The following APEH variants were observed in gnomAD, a reference collection of about 807,000 sequenced individuals.
APEH encodes acylamino-acid-releasing enzyme.
Under a neutral mutation model 102.7 loss-of-function variants are expected in APEH, and 75 were observed. The observed-to-expected ratio is 0.73, with a 90% confidence interval of 0.61 to 0.89. APEH has a LOEUF of 0.89. Among genes scored for constraint, APEH ranks in the 40% least tolerant of loss-of-function variants. The pLI, the probability that APEH is intolerant of heterozygous loss-of-function variation, is 0.00. For missense variants in APEH, 863 were observed against 941.2 expected, an observed-to-expected ratio of 0.92 and a Z score of 1.09; for synonymous variants, 344 against 362.7, an observed-to-expected ratio of 0.95 and a Z score of 0.59.
At chr3:49,681,020 C>A in intron 14 of APEH, 81 bp from the exon 15 acceptor site, 2 of 1,482,332 alleles carry the variant, frequency 1.3e-6, no homozygotes, top group African/African-American at 1.4e-5. Flanking sequence ...ATAGTGAGAG[C>A]TGCCTATTTC....
rs774206883 is a variant in APEH at position 49,674,430 on chromosome 3, C to T, written c.12+17C>T. The stretch of plus-strand genomic sequence containing the variant: ...GAACGTCAGGTGAGGGCTCGGCCCG[C>T]GGTCCCCGTGGTCCCTGCAGCCCGG... On this transcript the variant is annotated intron_variant, in intron 1 of 21. Coordinates refer to ENST00000296456, the MANE Select transcript of APEH (RefSeq NM_001640.4). The T allele has an allele frequency of 1.7e-5, 26 of 1,572,592 alleles. No homozygotes were observed. Among genetic ancestry groups the T allele is most frequent in the Non-Finnish European group, 2.2e-5 (26 of 1,165,620 alleles).
intron 15 of APEH, 62 bp downstream of exon 15, chr3:49,681,301 G>A: frequency 6.8e-7 from 1 of 1,460,914 alleles, no homozygotes; most frequent in Admixed American, 2.5e-5. Flanking sequence ...AGCCTCTGCG[G>A]TGACCTTTGC....
rs368084438 is a variant in APEH at position 49,682,507 on chromosome 3, C to T, written c.1693-39C>T. On this transcript the variant is annotated intron_variant, in intron 18 of 21. Transcript: ENST00000296456. ...AGGGGGATGCCTCCATTCAGCTGAG[C>T]GGGCAGCTGGCTGCAGCATGCTTTG... is the stretch of plus-strand genomic sequence containing the variant. 51 of 1,612,614 alleles carry T rather than the reference C, an allele frequency of 3.2e-5. No homozygotes were observed. The South Asian group carries it at 3.4e-4, about 11-fold the overall frequency.
intron 3 of APEH, 34 bp from the exon 4 acceptor site, chr3:49,675,660 G>A: frequency 6.3e-7 from 1 of 1,580,072 alleles, no homozygotes; most frequent in Non-Finnish European, 8.7e-7. Context: ...GTTATTGCAA[G>A]ATAATCCTGA....
chr3:49,679,774 C>T lies in APEH; in HGVS notation c.1210+130C>T. 1 of 955,584 alleles carries T rather than the reference C, an allele frequency of 1.0e-6. No homozygotes were observed. The highest frequency in any genetic ancestry group is 1.6e-6 in the Non-Finnish European group (1 of 622,466). 59.2% of individuals were successfully genotyped at this position (955,584 alleles called of 1,614,324 possible). A position where few individuals can be genotyped will look rare whatever the true frequency, so the allele number is the denominator to read the frequency against. ...AGCCACTCAGCACCACTGACTGTTC[C>T]ACAGCCTTTACTAACAGGTCCCCAA... On this transcript the variant is annotated intron_variant, in intron 13 of 21. Coordinates refer to ENST00000296456, the MANE Select transcript of APEH (RefSeq NM_001640.4). The surrounding 1 kb of genome is among the most constrained non-coding windows in gnomAD (Gnocchi z 4.3).
In APEH at chr3:49,679,502, C is replaced by T; in HGVS notation, c.1159-91C>T. On this transcript the variant is annotated intron_variant, in intron 12 of 21. Transcript: ENST00000296456. This position sits in a 1 kb window ranked among gnomAD's most constrained non-coding sequence, Gnocchi z 4.3. Reference sequence around the variant, plus strand: ...CAGCCTTGGTCTGGCCAGGGCTCTCCAAGAGGGTAGAGAGGAGGTAGGGGA... The same window carrying T: ...CAGCCTTGGTCTGGCCAGGGCTCTCTAAGAGGGTAGAGAGGAGGTAGGGGA... 1 of 1,401,934 alleles carries T rather than the reference C, an allele frequency of 7.1e-7. No individual in the cohort carries two copies. Among genetic ancestry groups the T allele is most frequent in the Non-Finnish European group, 1.0e-6 (1 of 993,210 alleles). The allele number at this position is 1,401,934 out of a possible 1,614,324, so 86.8% of individuals were successfully genotyped here.
chr3:49,675,092 T>C (rs2052962783), intron 2 of APEH, 91 bp from the exon 3 acceptor site: 4 of 1,539,922 alleles, frequency 2.6e-6, no homozygotes, highest in South Asian at 1.2e-5. Context: ...TTGGGGAAGA[T>C]AGATCTAGGC....
At chr3:49,674,237 C>T, upstream of APEH, 1 of 901,662 alleles carries the variant, frequency 1.1e-6, no homozygotes, top group East Asian at 2.9e-5. Flanking sequence ...CGTCAAGGCC[C>T]GCCCCCTGCC....
Position 49,679,062 on chromosome 3 carries a change from C to A in APEH, c.1158+113C>A. ...ATGCCCAGCCACAAAGTCTCATCAG[C>A]CCCTTAAAACCCTGCCTGCCCATCC... On this transcript the variant is annotated intron_variant, in intron 12 of 21. Transcript: ENST00000296456. The surrounding 1 kb of genome is among the most constrained non-coding windows in gnomAD (Gnocchi z 4.3). 1.2e-6 allele frequency: 1 copy of A among 808,296 alleles called. No individual in the cohort carries two copies. The highest frequency in any genetic ancestry group is 2.0e-6 in the Non-Finnish European group (1 of 509,756). The allele number at this position is 808,296 out of a possible 1,614,324, so 50.1% of individuals were successfully genotyped here.
chr3:49,675,946 A>G lies in APEH; in HGVS notation c.422A>G (p.His141Arg), dbSNP rs749385531. 7.4e-6 allele frequency: 12 copies of G among 1,614,186 alleles called. No homozygotes were observed. In the South Asian group the frequency reaches 1.3e-4, roughly 18 times the overall value. Residue 141 changes from histidine to arginine, a missense_variant, in exon 5 of 22, where the codon CAT (histidine) becomes CGT (arginine). By Grantham distance (29) the His-to-Arg change is conservative. Coordinates refer to ENST00000296456, the MANE Select transcript of APEH (RefSeq NM_001640.4). ...TTCAACCTGTCAGCGCTGGAGAAAC[A>G]TGGGCCTGTTTATGAGGATGGTGAG... The part of the protein sequence containing the change: ...KSFNLSALEK[H>R]GPVYEDDCFG...
intron 11 of APEH, 107 bp downstream of exon 11, chr3:49,677,740 C>G (rs1048665833): frequency 4.5e-6 from 5 of 1,117,378 alleles, no homozygotes; most frequent in Non-Finnish European, 6.8e-6. Flanking sequence ...TTCTGAGGGC[C>G]CTACCTCCCT....
chr3:49,678,727 C>A, intron 11 of APEH, 125 bp from the exon 12 acceptor site: 1 of 790,982 alleles, frequency 1.3e-6, no homozygotes, highest in Non-Finnish European at 2.1e-6. Flanking sequence ...GTGCTACAAG[C>A]TGCAGGGGCC....
At chr3:49,675,384 T>C (rs1342018576) in intron 3 of APEH, 75 bp downstream of exon 3, 3 of 1,578,944 alleles carry the variant, frequency 1.9e-6, no homozygotes, top group South Asian at 2.3e-5. Context: ...ATGCTCACCA[T>C]GTGCCTAGAA....
At chr3:49,677,107 C>T (rs959981461) in intron 10 of APEH, 83 bp downstream of exon 10, 16 of 1,574,106 alleles carry the variant, frequency 1.0e-5, no homozygotes, top group Admixed American at 1.7e-5. Flanking sequence ...AGTATCATCT[C>T]CCCATAGGCC....
At position 49,674,483 on chromosome 3, in the gene APEH, G is replaced by A; in HGVS notation, c.13-6G>A. The A allele has an allele frequency of 1.3e-6, 2 of 1,571,386 alleles. No homozygotes were observed. Among genetic ancestry groups the A allele is most frequent in the South Asian group, 1.1e-5 (1 of 87,316 alleles). ...CGGGCCTGACCCTGGTGTGTCCCCT[G>A]CGCAGGTGCTGCTGAGCGAGCCCGA... On this transcript the variant is annotated splice_region_variant and splice_polypyrimidine_tract_variant and intron_variant, in intron 1 of 21. Transcript: ENST00000296456.
Position 49,681,354 on chromosome 3 carries a change from AAG to A in APEH, c.1438+118_1438+119del, listed in dbSNP as rs892172589. The stretch of plus-strand genomic sequence containing the variant: ...TGTGGGGTTTCTGGTGATGACCTCT[AAG>A]AGGTTTTCTGTTCCTCTTGTGGATG... On this transcript the variant is annotated intron_variant, in intron 15 of 21. Coordinates refer to ENST00000296456, the MANE Select transcript of APEH (RefSeq NM_001640.4). 31 of 1,253,592 alleles carry A rather than the reference AAG, an allele frequency of 2.5e-5. No homozygotes were observed. In the African/African-American group the frequency reaches 4.3e-4, roughly 17 times the overall value. The allele number at this position is 1,253,592 out of a possible 1,614,324, so 77.7% of individuals were successfully genotyped here. A position where few individuals can be genotyped will look rare whatever the true frequency, so the allele number is the denominator to read the frequency against.
chr3:49,682,291 G>T, intron 17 of APEH, 57 bp from the exon 18 acceptor site: 2 of 1,495,478 alleles, frequency 1.3e-6, no homozygotes, highest in Non-Finnish European at 1.8e-6. Flanking sequence ...TGAAAAGAGC[G>T]TCGAGGGGGC....
chr3:49,681,978 A>G lies in APEH; in HGVS notation c.1603+11A>G. Reference sequence around the variant, plus strand: ...TTGCGGTACTACTAGGTGAGTGAGCAGGGACCCACAGTTCTGTTAGGACTA... The same window carrying G: ...TTGCGGTACTACTAGGTGAGTGAGCGGGGACCCACAGTTCTGTTAGGACTA... On this transcript the variant is annotated intron_variant, in intron 17 of 21. Coordinates refer to ENST00000296456, the MANE Select transcript of APEH (RefSeq NM_001640.4). 6.2e-7 allele frequency: 1 copy of G among 1,609,952 alleles called. No individual in the cohort carries two copies.
chr3:49,681,037 T>G, intron 14 of APEH, 64 bp from the exon 15 acceptor site: 1 of 1,504,758 alleles, frequency 6.6e-7, no homozygotes, highest in East Asian at 2.4e-5. Context: ...TTTCCCACTG[T>G]GGGCAGAAGG....
Sources: allele counts gnomAD v4.1 joint callset, GRCh38; gene constraint gnomAD v4.1.1; non-coding constraint Gnocchi (gnomAD v3.1); transcripts MANE v1.5; gene names NCBI Gene and HGNC (gene_info 2026-07-23, HGNC 2026-07-21).